Variants in TBC1D22A observed in about 807,000 individuals in gnomAD.
TBC1D22A encodes the protein TBC1 domain family member 22A.
TBC1D22A carries 38 observed loss-of-function variants against 60.2 expected under a neutral mutation model. The ratio of observed to expected loss-of-function variants is 0.63; its 90% confidence interval spans 0.49 to 0.83. The LOEUF (loss-of-function observed/expected upper bound fraction) is 0.83. TBC1D22A is among the 40% of genes least tolerant of loss of function. The pLI, the probability that TBC1D22A is intolerant of heterozygous loss-of-function variation, is 0.00. For synonymous variants in TBC1D22A, 302 were observed against 281.7 expected (o/e 1.07, Z -0.72); for missense variants, 628 against 701.0 (o/e 0.90, Z 1.18).
At chr22:47,078,092 G>T (rs976366207) in intron 11 of TBC1D22A, among the ~76,000 whole-genome samples, 2 of 152,138 alleles carry the variant, frequency 1.3e-5, no homozygotes, top group African/African-American at 4.8e-5. Context: ...TCCATGCCAG[G>T]CCCATCCACG....
intron 12 of TBC1D22A, among the ~76,000 whole-genome samples, chr22:47,165,933 G>A (rs2068192348): frequency 6.6e-6 from 1 of 152,176 alleles, no homozygotes; most frequent in African/African-American, 2.4e-5. Flanking sequence ...CCTGCTCCCC[G>A]CGTCGCATGT....
intron 10 of TBC1D22A, among the ~76,000 whole-genome samples, chr22:47,005,174 C>T (rs2061543680): frequency 6.6e-6 from 1 of 151,754 alleles, no homozygotes; most frequent in South Asian, 2.1e-4. Context: ...TACCACTATA[C>T]ACACGTGCCT....
Position 46,797,524 on chromosome 22 carries a change from G to A in TBC1D22A, c.541G>A (p.Asp181Asn). 6.2e-7 allele frequency: 1 copy of A among 1,614,054 alleles called. No homozygotes were observed. The highest frequency in any genetic ancestry group is 1.3e-5 in the African/African-American group (1 of 75,036). Residue 181 changes from aspartate (D) to asparagine (N), a missense_variant, in exon 4 of 13, where the codon GAC (aspartate) becomes AAC (asparagine). By Grantham distance (23) the Asp-to-Asn change is conservative (BLOSUM62 1). Coordinates refer to ENST00000337137, the MANE Select transcript of TBC1D22A (RefSeq NM_014346.5). ...SATVTLGGTS[D>N]PSTLSSSALS... Reference sequence around the variant, plus strand: ...CACCGTCACGCTGGGTGGCACATCTGACCCCAGCACTCTCAGCAGCTCAGC... The same window carrying A: ...CACCGTCACGCTGGGTGGCACATCTAACCCCAGCACTCTCAGCAGCTCAGC...
chr22:47,092,408 C>A (rs2065012787), intron 11 of TBC1D22A, among the ~76,000 whole-genome samples: 2 of 152,148 alleles, frequency 1.3e-5, no homozygotes. Context: ...CGGAAGAAGG[C>A]ACTTCCCAGG....
intron 11 of TBC1D22A, among the ~76,000 whole-genome samples, chr22:47,050,613 A>G (rs1476033547): frequency 6.6e-6 from 1 of 152,098 alleles, no homozygotes; most frequent in Non-Finnish European, 1.5e-5. Flanking sequence ...TTGGGCCCTG[A>G]CTCTAGGAGC....
intron 4 of TBC1D22A, among the ~76,000 whole-genome samples, chr22:46,807,518 C>A (rs568273737): frequency 1.3e-5 from 2 of 152,114 alleles, no homozygotes; most frequent in Non-Finnish European, 2.9e-5. Context: ...ATTTGCTTGA[C>A]GACACGCTGG....
chr22:46,789,021 C>G (rs1161196099), intron 1 of TBC1D22A: 2 of 154,256 alleles, frequency 1.3e-5, no homozygotes, highest in Non-Finnish European at 2.9e-5. Context: ...TTCCACTGCT[C>G]CTGGCCTTCA....
At chr22:47,062,087 C>CAAAAAAAAAAAAAAAAAAAA (rs908701365) in intron 11 of TBC1D22A, among the ~76,000 whole-genome samples, 3 of 63,006 alleles carry the variant, frequency 4.8e-5, no homozygotes, top group African/African-American at 1.4e-4. Context: ...GACTCCATCT[C>CAAAAAAAAAAAAAAAAAAAA]AAAAAAAAAA....
chr22:46,768,373 T>C (rs1601781385), intron 1 of TBC1D22A, among the ~76,000 whole-genome samples: 1 of 150,548 alleles, frequency 6.6e-6, no homozygotes, highest in African/African-American at 2.4e-5. Flanking sequence ...TAATCCCAGC[T>C]GCTTGGGAGG....
At chr22:46,929,920 T>C (rs1038100852) in intron 8 of TBC1D22A, among the ~76,000 whole-genome samples, 2 of 152,128 alleles carry the variant, frequency 1.3e-5, no homozygotes, top group Admixed American at 6.5e-5. Context: ...AGCCCCTATG[T>C]GTGTGTGGAC....
At chr22:46,778,098 C>T (rs572366185) in intron 1 of TBC1D22A, among the ~76,000 whole-genome samples, 4 of 152,176 alleles carry the variant, frequency 2.6e-5, no homozygotes, top group South Asian at 4.1e-4. Flanking sequence ...ATGGCATACT[C>T]GTGTAGGGCA....
At chr22:46,816,099 C>T (rs1307006710) in intron 4 of TBC1D22A, among the ~76,000 whole-genome samples, 1 of 152,186 alleles carries the variant, frequency 6.6e-6, no homozygotes, top group African/African-American at 2.4e-5. Context: ...GCCTCTGGCC[C>T]TCTGGCTGCT....
intron 5 of TBC1D22A, among the ~76,000 whole-genome samples, chr22:46,879,116 G>GTTT (rs131870): frequency 2.2e-5 from 3 of 135,436 alleles, no homozygotes; most frequent in Non-Finnish European, 3.2e-5. Context: ...GTTTGACCAA[G>GTTT]TTTTTTTTTT....
chr22:47,001,117 G>C (rs1569321664), intron 10 of TBC1D22A, among the ~76,000 whole-genome samples: 1 of 152,058 alleles, frequency 6.6e-6, no homozygotes, highest in African/African-American at 2.4e-5. Context: ...ATAGTGACAC[G>C]TGAGGGCAAA....
Position 46,777,338 on chromosome 22 carries a change from T to A in TBC1D22A, c.62+14490T>A, listed in dbSNP as rs770501246. ...GGGATGAGCACATTGTCTATTTTTG[T>A]GTGACTGGTAGAGAGTGATGTTGTC... is the stretch of plus-strand genomic sequence containing the variant. On this transcript the variant is annotated intron_variant, in intron 1 of 12. Transcript: ENST00000337137. This position sits in a 1 kb window ranked among gnomAD's most constrained non-coding sequence, Gnocchi z 4.5. Among the ~76,000 whole-genome samples the A allele has an allele frequency of 2.6e-5, 4 of 152,074 alleles. No homozygotes were observed. The highest frequency in any genetic ancestry group is 5.9e-5 in the Non-Finnish European group (4 of 68,018).
intron 10 of TBC1D22A, among the ~76,000 whole-genome samples, chr22:47,011,379 C>T (rs908986824): frequency 1.3e-5 from 2 of 152,182 alleles, no homozygotes; most frequent in African/African-American, 4.8e-5. Flanking sequence ...TATGGTGCCC[C>T]GCCCACCTCA....
intron 1 of TBC1D22A, among the ~76,000 whole-genome samples, chr22:46,769,753 G>A (rs1294011055): frequency 6.6e-6 from 1 of 152,120 alleles, no homozygotes; most frequent in Non-Finnish European, 1.5e-5. Flanking sequence ...AACAGGGAGG[G>A]GTGTGATACT....
intron 10 of TBC1D22A, among the ~76,000 whole-genome samples, chr22:47,006,179 G>A (rs2061587285): frequency 6.6e-6 from 1 of 152,206 alleles, no homozygotes; most frequent in Non-Finnish European, 1.5e-5. Context: ...TCCGTCGCTT[G>A]ATGTGTCAGA....
At chr22:46,896,083 C>T (rs1158190467) in intron 7 of TBC1D22A, among the ~76,000 whole-genome samples, 1 of 152,194 alleles carries the variant, frequency 6.6e-6, no homozygotes, top group East Asian at 1.9e-4. Context: ...ATTCCTGTTG[C>T]AGTCCTCACG....
Sources: allele counts gnomAD v4.1 joint callset (sites outside exome capture counted in the v4.1 genomes callset), GRCh38; gene constraint gnomAD v4.1.1; non-coding constraint Gnocchi (gnomAD v3.1); transcripts MANE v1.5; gene names NCBI Gene and HGNC (gene_info 2026-07-23, HGNC 2026-07-21).